Variants in SCN4A observed in about 807,000 individuals in gnomAD.
The protein encoded by SCN4A is sodium channel protein type 4 subunit alpha.
A neutral mutation model predicts 162.0 loss-of-function variants in SCN4A; 83 were observed. That is an observed-to-expected ratio of 0.51 (90% CI 0.43 to 0.61). The LOEUF (loss-of-function observed/expected upper bound fraction) is 0.61, where lower values mean the gene tolerates loss of function less well. Ranked by LOEUF, SCN4A falls within the 20% of genes least tolerant of loss-of-function variation. The probability of loss-of-function intolerance (pLI) is 0.00; values close to 1 mark genes in which losing one functional copy is unlikely to be tolerated. For synonymous variants in SCN4A, 944 were observed against 985.1 expected (o/e 0.96, Z 0.78); for missense variants, 2,196 against 2,462.5 (o/e 0.89, Z 2.29).
rs1294211315 is a variant in SCN4A at position 63,972,484 on chromosome 17, G to A, written c.274-14C>T. On this transcript the variant is annotated splice_polypyrimidine_tract_variant and intron_variant, in intron 1 of 23. Coordinates refer to ENST00000435607, the MANE Select transcript of SCN4A (RefSeq NM_000334.4). The surrounding 1 kb of genome is among the most constrained non-coding windows in gnomAD (Gnocchi z 4.3). Reference sequence around the variant, plus strand: ...TACGATGAAGGTCTAAGGTGGGAGAGAGGCTGTGAGACCCAGGGACAGACA... The same window carrying A: ...TACGATGAAGGTCTAAGGTGGGAGAAAGGCTGTGAGACCCAGGGACAGACA... 1 of 1,612,362 alleles carries A rather than the reference G, an allele frequency of 6.2e-7. No homozygotes were observed. The highest frequency in any genetic ancestry group is 1.1e-5 in the South Asian group (1 of 90,788).
intron 9 of SCN4A, 137 bp from the exon 10 acceptor site, chr17:63,963,962 T>C: frequency 2.5e-6 from 2 of 807,394 alleles, no homozygotes; most frequent in East Asian, 5.7e-5. Context: ...TTAGTGCAGG[T>C]GGGGGAGGGA....
At chr17:63,963,972 A>T in intron 9 of SCN4A, 147 bp from the exon 10 acceptor site, 1 of 722,568 alleles carries the variant, frequency 1.4e-6, no homozygotes, top group Non-Finnish European at 2.2e-6. Context: ...TGGGGGAGGG[A>T]CCAACCTCCA....
rs565408498 is a variant in SCN4A, at chr17:63,951,548, T to A, written c.2729A>T (p.Asp910Val). ...ADGPPSSLEL[D>V]HLNFINNPYL... ...GGGGTTGTTGATGAAGTTAAGGTGG[T>A]CCAGCTCGAGGCTGGATGGGGGGCC... The change falls in exon 14 of 24, where the codon GAC becomes GTC. Residue 910 changes from aspartate to valine, a missense_variant. Physicochemically the swap from Asp to Val is radical, Grantham distance 152 (BLOSUM62 -3). Coordinates refer to ENST00000435607, the MANE Select transcript of SCN4A (RefSeq NM_000334.4). This position sits in a 1 kb window ranked among gnomAD's most constrained non-coding sequence, Gnocchi z 4.5. The A allele has an allele frequency of 1.5e-5, 24 of 1,613,950 alleles. No homozygotes were observed. The South Asian group carries it at 2.6e-4, about 18-fold the overall frequency.
Position 63,961,104 on chromosome 17 carries a change from C to T in SCN4A, c.1845+89G>A, listed in dbSNP as rs1909234519. Reference sequence around the variant, plus strand: ...TGTCCGCATGTGTCCCCCACCGTGCCCTATATTTACATACAGCCAGACAGC... The same window carrying T: ...TGTCCGCATGTGTCCCCCACCGTGCTCTATATTTACATACAGCCAGACAGC... On this transcript the variant is annotated intron_variant, in intron 11 of 23. Transcript: ENST00000435607. 3.6e-6 allele frequency: 3 copies of T among 822,184 alleles called. No individual in the cohort carries two copies. The Admixed American group carries it at 6.2e-5, about 17-fold the overall frequency. The allele number at this position is 822,184 out of a possible 1,614,324, so 50.9% of individuals were successfully genotyped here. A position where few individuals can be genotyped will look rare whatever the true frequency, so the allele number is the denominator to read the frequency against.
At chr17:63,957,128 T>A in intron 13 of SCN4A, 34 bp downstream of exon 13, 1 of 1,424,296 alleles carries the variant, frequency 7.0e-7, no homozygotes, top group African/African-American at 1.4e-5. Flanking sequence ...GCTTCCCGGG[T>A]GAGGGCAGGG....
chr17:63,972,504 C>G lies in SCN4A; in HGVS notation c.274-34G>C. ...GGAGAGAGGCTGTGAGACCCAGGGA[C>G]AGACAGACAGGCAGACAGATGGATG... On this transcript the variant is annotated intron_variant, in intron 1 of 23. Coordinates refer to ENST00000435607, the MANE Select transcript of SCN4A (RefSeq NM_000334.4). This position sits in a 1 kb window ranked among gnomAD's most constrained non-coding sequence, Gnocchi z 4.3. 6.2e-7 allele frequency: 1 copy of G among 1,608,564 alleles called. No individual in the cohort carries two copies. The highest frequency in any genetic ancestry group is 8.5e-7 in the Non-Finnish European group (1 of 1,177,152).
chr17:63,961,556 G>A, intron 10 of SCN4A, 125 bp from the exon 11 acceptor site: 1 of 689,810 alleles, frequency 1.4e-6, no homozygotes, highest in Non-Finnish European at 2.6e-6. Context: ...CAACCCTCTA[G>A]CAAGGCCTAT....
chr17:63,941,983 G>A lies in SCN4A; in HGVS notation c.4299C>T (p.Leu1433=). ...VVILSIVGLA[L]SDLIQKYFVS... is the part of the protein sequence containing the mutation. ...CGAAGTACTTCTGGATCAGGTCAGA[G>A]AGGGCAAGGCCTGCGGGGAGAAGCT... The change falls in exon 24 of 24, where the codon CTC becomes CTT. Residue 1433 remains leucine, a synonymous_variant. Transcript: ENST00000435607. The surrounding 1 kb of genome is among the most constrained non-coding windows in gnomAD (Gnocchi z 6.2). 2 of 1,575,340 alleles carry A rather than the reference G, an allele frequency of 1.3e-6. No homozygotes were observed. The highest frequency in any genetic ancestry group is 1.7e-6 in the Non-Finnish European group (2 of 1,157,960).
chr17:63,972,060 G>T lies in SCN4A; in HGVS notation c.482+76C>A. The T allele has an allele frequency of 8.3e-7, 1 of 1,204,996 alleles. No individual in the cohort carries two copies. The highest frequency in any genetic ancestry group is 1.2e-6 in the Non-Finnish European group (1 of 826,220). 74.6% of individuals were successfully genotyped at this position (1,204,996 alleles called of 1,614,324 possible). A position where few individuals can be genotyped will look rare whatever the true frequency, so the allele number is the denominator to read the frequency against. ...TGTGTCTCCCTGAAAGACAAGAGCAGCACCACACAGAGGTGCAAACACCTG... is the reference window on the plus strand; with the variant it reads ...TGTGTCTCCCTGAAAGACAAGAGCATCACCACACAGAGGTGCAAACACCTG... On this transcript the variant is annotated intron_variant, in intron 3 of 23. Transcript: ENST00000435607. This position sits in a 1 kb window ranked among gnomAD's most constrained non-coding sequence, Gnocchi z 4.3.
intron 13 of SCN4A, among the ~76,000 whole-genome samples, chr17:63,952,482 T>C (rs1786775993): frequency 6.6e-6 from 1 of 152,102 alleles, no homozygotes; most frequent in South Asian, 2.1e-4. Context: ...TACCTCCACT[T>C]CTGGAGGATG....
At chr17:63,957,571 G>A (rs1909112179) in intron 12 of SCN4A, 53 bp from the exon 13 acceptor site, 2 of 1,267,228 alleles carry the variant, frequency 1.6e-6, no homozygotes, top group African/African-American at 1.5e-5. Flanking sequence ...ACCACCCAAG[G>A]CAGCCCCAGC....
intron 18 of SCN4A, among the ~76,000 whole-genome samples, chr17:63,946,188 G>A (rs1247518701): frequency 6.6e-6 from 1 of 152,174 alleles, no homozygotes; most frequent in Non-Finnish European, 1.5e-5. Flanking sequence ...GACCTCTAGA[G>A]TGGGTGGCAC....
rs1216814077 is a variant in SCN4A at position 63,961,304 on chromosome 17, C to G, written c.1734G>C (p.Pro578=). The G allele has an allele frequency of 3.1e-6, 5 of 1,613,566 alleles. No individual in the cohort carries two copies. In the African/African-American group the frequency reaches 5.3e-5, roughly 17 times the overall value. ...KNIIHLIVMD[P]FVDLGITICI... ...AGATGGTGATGCCCAGGTCCACGAA[C>G]GGGTCCATGACGATCAGGTGGATGA... is the stretch of plus-strand genomic sequence containing the variant. The change falls in exon 11 of 24, where the codon CCG becomes CCC. Residue 578 remains proline, a synonymous_variant. Coordinates refer to ENST00000435607, the MANE Select transcript of SCN4A (RefSeq NM_000334.4).
At position 63,951,568 on chromosome 17, in the gene SCN4A, G is replaced by C. The variant is rs758946568; in HGVS notation, c.2709C>G (p.Pro903=). 1.2e-6 allele frequency: 2 copies of C among 1,613,872 alleles called. No homozygotes were observed. The highest frequency in any genetic ancestry group is 1.1e-5 in the South Asian group (1 of 91,086). The part of the protein sequence containing the change: ...ILNHMGLADG[P]PSSLELDHLN... ...GGTGGTCCAGCTCGAGGCTGGATGG[G>C]GGGCCGTCAGCCAGGCCCATGTGGT... Residue 903 remains proline, a synonymous_variant, in exon 14 of 24, where the codon CCC becomes CCG. Coordinates refer to ENST00000435607, the MANE Select transcript of SCN4A (RefSeq NM_000334.4). The surrounding 1 kb of genome is among the most constrained non-coding windows in gnomAD (Gnocchi z 4.5).
intron 17 of SCN4A, 102 bp downstream of exon 17, chr17:63,947,788 G>A (rs1908772279): frequency 2.6e-6 from 3 of 1,137,372 alleles, no homozygotes; most frequent in Non-Finnish European, 3.7e-6. Context: ...CTCTGGGGGT[G>A]GCCTCGGGCA....
chr17:63,957,279 G>C lies in SCN4A; in HGVS notation c.2259C>G (p.Ile753Met). The C allele has an allele frequency of 6.2e-7, 1 of 1,614,116 alleles. No homozygotes were observed. Among genetic ancestry groups the C allele is most frequent in the East Asian group, 2.2e-5 (1 of 44,878 alleles). Residue 753 changes from isoleucine to methionine, a missense_variant, in exon 13 of 24, where the codon ATC (isoleucine) becomes ATG (methionine). Physicochemically the swap from Ile to Met is conservative, Grantham distance 10 (BLOSUM62 1). Coordinates refer to ENST00000435607, the MANE Select transcript of SCN4A (RefSeq NM_000334.4). ...HMHDFFHSFL[I>M]VFRILCGEWI... ...ACTCCCCGCACAGGATGCGGAAGAC[G>C]ATGAGGAAGGAGTGGAAGAAATCAT...
chr17:63,946,952 G>T, intron 18 of SCN4A, 93 bp downstream of exon 18: 1 of 1,227,054 alleles, frequency 8.1e-7, no homozygotes, highest in Non-Finnish European at 1.1e-6. Flanking sequence ...CCCTCTGGTG[G>T]TGGTTGGAGT....
intron 10 of SCN4A, among the ~76,000 whole-genome samples, chr17:63,963,076 TCATC>T (rs141865411): frequency 0.031 from 4,735 of 152,030 alleles, 235 homozygotes; most frequent in African/African-American, 0.11. Context: ...TCCCTCCCTC[TCATC>T]CATCCATCCA....
At position 63,940,447 on chromosome 17, in the gene SCN4A, G is replaced by A. The variant is rs1165750027; in HGVS notation, c.*324C>T. On this transcript the variant is annotated 3_prime_UTR_variant, in exon 24 of 24. Transcript: ENST00000435607. Reference sequence around the variant, plus strand: ...AGCTCCTCCTCAAGTGAGGGGCAGAGATTCGAATGTTCTGACCTCCCCCAG... The same window carrying A: ...AGCTCCTCCTCAAGTGAGGGGCAGAAATTCGAATGTTCTGACCTCCCCCAG... The A allele has an allele frequency of 3.1e-6, 1 of 324,584 alleles. No individual in the cohort carries two copies. Among genetic ancestry groups the A allele is most frequent in the African/African-American group, 2.2e-5 (1 of 46,404 alleles). 20.1% of individuals were successfully genotyped at this position (324,584 alleles called of 1,614,324 possible).
Sources: allele counts gnomAD v4.1 joint callset (sites outside exome capture counted in the v4.1 genomes callset), GRCh38; gene constraint gnomAD v4.1.1; non-coding constraint Gnocchi (gnomAD v3.1); transcripts MANE v1.5; gene names NCBI Gene and HGNC (gene_info 2026-07-23, HGNC 2026-07-21).